The following RARB variants were observed in gnomAD, a reference collection of about 807,000 sequenced individuals.
RARB encodes retinoic acid receptor beta.
Under a neutral mutation model 51.9 loss-of-function variants are expected in RARB, and 17 were observed. The ratio of observed to expected loss-of-function variants is 0.33; its 90% confidence interval spans 0.22 to 0.49. The LOEUF (loss-of-function observed/expected upper bound fraction) is 0.49. RARB is among the 20% of genes least tolerant of loss of function. RARB has a pLI of 0.99. For synonymous variants in RARB, 215 were observed against 195.4 expected (o/e 1.10, Z -0.84); for missense variants, 369 against 550.8 (o/e 0.67, Z 3.30).
intron 5 of RARB, among the ~76,000 whole-genome samples, chr3:25,410,498 G>T (rs1056992955): frequency 2.0e-5 from 3 of 152,196 alleles, no homozygotes; most frequent in Admixed American, 6.5e-5. Context: ...TGAATCTTGA[G>T]TAGTGAACTC....
At chr3:25,443,873 G>T (rs1168287302) in intron 1 of RARB, among the ~76,000 whole-genome samples, 1 of 152,082 alleles carries the variant, frequency 6.6e-6, no homozygotes, top group Non-Finnish European at 1.5e-5. Flanking sequence ...AGAGGTTACA[G>T]TGAGCCGAGA....
intron 5 of RARB, among the ~76,000 whole-genome samples, chr3:25,248,635 G>A (rs1243761507): frequency 1.3e-5 from 2 of 152,042 alleles, no homozygotes; most frequent in Non-Finnish European, 2.9e-5. Context: ...CAATACTAGT[G>A]GTGATGAATT....
rs150393205 is a variant in RARB, at chr3:25,179,795, C to T, written c.178+5220C>T. Among the ~76,000 whole-genome samples the T allele has an allele frequency of 4.2e-3, 634 of 152,224 alleles. 3 individuals are homozygous for T. Among genetic ancestry groups the T allele is most frequent in the African/African-American group, 0.015 (603 of 41,550 alleles). ...TTGATTACTTTAGTGCCTCTTTTCC[C>T]CCCAAAAACAAGAATCTTTGTGTCT... On this transcript the variant is annotated intron_variant, in intron 5 of 11. Coordinates refer to the RARB transcript ENST00000383772.
intron 2 of RARB, among the ~76,000 whole-genome samples, chr3:24,984,377 G>T (rs565804496): frequency 2.0e-5 from 3 of 152,312 alleles, no homozygotes; most frequent in African/African-American, 7.2e-5. Context: ...GAGAAGCACT[G>T]TGTTAAGCGC....
intron 3 of RARB, among the ~76,000 whole-genome samples, chr3:25,065,593 C>G (rs897443456): frequency 6.6e-6 from 1 of 152,184 alleles, no homozygotes; most frequent in Non-Finnish European, 1.5e-5. Context: ...GATACAGATA[C>G]GATTGTTCTA....
At chr3:24,943,070 A>G (rs1217433862) in intron 2 of RARB, among the ~76,000 whole-genome samples, 1 of 152,250 alleles carries the variant, frequency 6.6e-6, no homozygotes, top group African/African-American at 2.4e-5. Context: ...TCTGTGGCAT[A>G]GTCCATGAAC....
At chr3:25,425,544 C>A (rs900772057), upstream of RARB, among the ~76,000 whole-genome samples, 1 of 152,100 alleles carries the variant, frequency 6.6e-6, no homozygotes, top group African/African-American at 2.4e-5. Flanking sequence ...CATACTATTC[C>A]TTTCATGGGG....
intron 3 of RARB, among the ~76,000 whole-genome samples, chr3:25,128,792 GAA>G (rs1699900227): frequency 6.6e-6 from 1 of 151,748 alleles, no homozygotes; most frequent in African/African-American, 2.4e-5. Context: ...CTGAAAAAAA[GAA>G]TGATGAACTC....
At position 25,230,589 on chromosome 3, in the gene RARB, G is replaced by C. The variant is rs139632843; in HGVS notation, c.178+56014G>C. 5.6e-3 allele frequency among the ~76,000 whole-genome samples: 857 copies of C among 151,884 alleles called. 14 individuals are homozygous for C. The highest frequency in any genetic ancestry group is 0.018 in the African/African-American group (758 of 41,402). ...TATCATTATAATTAATATTTATCTA[G>C]TATTCACGATGTGTCAGGCATTCTT... On this transcript the variant is annotated intron_variant, in intron 5 of 11. Coordinates refer to the RARB transcript ENST00000383772.
At chr3:25,413,479 A>G (rs1707621417) in intron 5 of RARB, among the ~76,000 whole-genome samples, 3 of 152,030 alleles carry the variant, frequency 2.0e-5, no homozygotes, top group Admixed American at 2.0e-4. Context: ...ATGCATTTTT[A>G]TTGGGTGTAT....
At chr3:25,335,101 C>G (rs1705025744) in intron 5 of RARB, among the ~76,000 whole-genome samples, 1 of 152,174 alleles carries the variant, frequency 6.6e-6, no homozygotes. Flanking sequence ...TGGGCAACTT[C>G]TCTCTGCCTC....
At chr3:25,358,094 G>T (rs1575339185) in intron 5 of RARB, among the ~76,000 whole-genome samples, 1 of 150,630 alleles carries the variant, frequency 6.6e-6, no homozygotes, top group East Asian at 1.9e-4. Flanking sequence ...TCACGATATT[G>T]ATTCTTCCTA....
intron 5 of RARB, among the ~76,000 whole-genome samples, chr3:25,383,681 A>C (rs867998398): frequency 1.3e-5 from 2 of 152,192 alleles, no homozygotes; most frequent in African/African-American, 2.4e-5. Context: ...TAATCCCAGC[A>C]CTTTGGGAGG....
At chr3:25,097,498 G>C (rs1699318580) in intron 3 of RARB, among the ~76,000 whole-genome samples, 1 of 152,148 alleles carries the variant, frequency 6.6e-6, no homozygotes. Context: ...CTTTCCAAAA[G>C]CCAGGTGCAG....
In RARB at chr3:24,916,779, A is replaced by AAC. The variant is rs574353910; in HGVS notation, c.-380+58028_-380+58029insCA. 3.3e-5 allele frequency among the ~76,000 whole-genome samples: 5 copies of AAC among 151,892 alleles called. 1 individual carries two copies. The South Asian group carries it at 1.0e-3, about 32-fold the overall frequency. Reference sequence around the variant, plus strand: ...TGTGTTTGCTGTTCAAAAAAAAAAAAAAAAAAACCTTGTACAAGAAGGTAC... The same window carrying AAC: ...TGTGTTTGCTGTTCAAAAAAAAAAAAACAAAAAAACCTTGTACAAGAAGGTAC... On this transcript the variant is annotated intron_variant, in intron 2 of 11. Transcript: ENST00000383772.
chr3:25,051,863 A>G (rs1698340560), intron 2 of RARB, among the ~76,000 whole-genome samples: 1 of 152,192 alleles, frequency 6.6e-6, no homozygotes, highest in South Asian at 2.1e-4. Context: ...TGAAAGAAAC[A>G]GGTACAAAAA....
At chr3:25,090,977 C>A (rs1235736568) in intron 3 of RARB, among the ~76,000 whole-genome samples, 20 of 152,098 alleles carry the variant, frequency 1.3e-4, no homozygotes, top group Admixed American at 1.1e-3. Flanking sequence ...TCCAGAAAAG[C>A]TGAAGTAGGT....
At chr3:24,950,726 A>AAAGC (rs71295100) in intron 2 of RARB, among the ~76,000 whole-genome samples, 1 of 149,364 alleles carries the variant, frequency 6.7e-6, no homozygotes, top group African/African-American at 2.5e-5. Flanking sequence ...AAAAAAAAAA[A>AAAGC]AGGTGATTTG....
chr3:25,154,372 C>T (rs1009922956), intron 4 of RARB, among the ~76,000 whole-genome samples: 2 of 152,202 alleles, frequency 1.3e-5, no homozygotes, highest in African/African-American at 4.8e-5. Context: ...ATTGTTGACT[C>T]TCCTTTAATC....
Sources: allele counts gnomAD v4.1 joint callset (sites outside exome capture counted in the v4.1 genomes callset), GRCh38; gene constraint gnomAD v4.1.1; transcripts MANE v1.5; gene names NCBI Gene and HGNC (gene_info 2026-07-23, HGNC 2026-07-21).